Variants in ADK observed in about 807,000 individuals in gnomAD.
The protein encoded by ADK is N6,N6-dimethyladenosine kinase.
Under a neutral mutation model 44.7 loss-of-function variants are expected in ADK, and 24 were observed. The observed-to-expected ratio is 0.54, with a 90% CI of 0.39 to 0.76. ADK has a LOEUF of 0.76. Ranked by LOEUF, ADK falls within the 30% of genes least tolerant of loss-of-function variation. ADK has a pLI of 0.00. For synonymous variants in ADK, 128 were observed against 142.6 expected, an observed-to-expected ratio of 0.90 and a Z score of 0.73; for missense variants, 321 against 425.1, an observed-to-expected ratio of 0.76 and a Z score of 2.15.
intron 4 of ADK, among the ~76,000 whole-genome samples, chr10:74,364,080 G>A (rs762399927): frequency 6.6e-5 from 10 of 152,144 alleles, no homozygotes; most frequent in East Asian, 1.9e-4. Context: ...AGTATTTTTG[G>A]TGTATTATAC....
chr10:74,289,281 G>A (rs1847312215), intron 3 of ADK, among the ~76,000 whole-genome samples: 1 of 152,030 alleles, frequency 6.6e-6, no homozygotes, highest in African/African-American at 2.4e-5. Context: ...TTGAACTCCT[G>A]GGCTCAAGTG....
At chr10:74,436,321 C>T (rs1013355423) in intron 6 of ADK, among the ~76,000 whole-genome samples, 4 of 151,996 alleles carry the variant, frequency 2.6e-5, no homozygotes, top group African/African-American at 9.7e-5. Context: ...GCAGGAGAAT[C>T]GCTTGAACCT....
chr10:74,198,401 C>T (rs1843244401), intron 1 of ADK, among the ~76,000 whole-genome samples: 1 of 152,150 alleles, frequency 6.6e-6, no homozygotes. Context: ...GCCATAGTTG[C>T]TCAATCTATG....
intron 10 of ADK, among the ~76,000 whole-genome samples, chr10:74,671,474 A>T (rs1855182657): frequency 6.6e-6 from 1 of 152,210 alleles, no homozygotes; most frequent in South Asian, 2.1e-4. Context: ...TGTTCTTTGG[A>T]AAGAGTCTGT....
At chr10:74,273,459 C>CT (rs200697640) in intron 3 of ADK, among the ~76,000 whole-genome samples, 24,487 of 147,354 alleles carry the variant, frequency 0.17, 2,334 homozygotes, top group African/African-American at 0.27. Flanking sequence ...TCTTCTTCTT[C>CT]TTTTTTTTTT....
rs772603788 is a variant in ADK at position 74,356,002 on chromosome 10, A to ATTTTGT, written c.274-38135_274-38134insGTTTTT. ...TCTGAAATATTTCACTAAATAATTC[A>ATTTTGT]TTTTTTTTTTTTTTTTTTTTTTTTT... On this transcript the variant is annotated intron_variant, in intron 4 of 10. Coordinates refer to ENST00000539909, the MANE Select transcript of ADK (RefSeq NM_006721.4). 2.4e-5 allele frequency among the ~76,000 whole-genome samples: 2 copies of ATTTTGT among 83,300 alleles called. 1 individual carries two copies. The highest frequency in any genetic ancestry group is 1.0e-4 in the African/African-American group (2 of 19,612). The allele number at this position is 83,300 out of a possible 152,430, so 54.6% of individuals were successfully genotyped here.
intron 7 of ADK, among the ~76,000 whole-genome samples, chr10:74,570,818 C>T (rs1379221173): frequency 6.6e-6 from 1 of 152,110 alleles, no homozygotes; most frequent in Non-Finnish European, 1.5e-5. Flanking sequence ...GAACTTCCAA[C>T]ACTATGTTGA....
At position 74,681,490 on chromosome 10, in the gene ADK, C is replaced by A. The variant is rs373151033; in HGVS notation, c.964+11221C>A. Among the ~76,000 whole-genome samples, 60 of 152,238 alleles carry A rather than the reference C, an allele frequency of 3.9e-4. No homozygotes were observed. The South Asian group carries it at 0.012, about 32-fold the overall frequency. ...AAGGGAGTTAATTGCAAATACGAGA[C>A]AAGAAGCCAGATTACTGAATTCATG... On this transcript the variant is annotated intron_variant, in intron 10 of 10. Transcript: ENST00000539909.
chr10:74,472,450 G>C (rs1391773777), intron 6 of ADK, among the ~76,000 whole-genome samples: 1 of 151,900 alleles, frequency 6.6e-6, no homozygotes, highest in Non-Finnish European at 1.5e-5. Context: ...TCTTCTTTCT[G>C]TAAGTCATTT....
At chr10:74,178,869 A>C (rs1842440079) in intron 1 of ADK, among the ~76,000 whole-genome samples, 1 of 152,192 alleles carries the variant, frequency 6.6e-6, no homozygotes, top group African/African-American at 2.4e-5. Context: ...ACTGAGACAA[A>C]AGTTGAGTGC....
At chr10:74,302,960 C>T (rs1250984410) in intron 3 of ADK, among the ~76,000 whole-genome samples, 3 of 152,088 alleles carry the variant, frequency 2.0e-5, no homozygotes, top group Admixed American at 2.0e-4. Context: ...ATGTACCATG[C>T]CTTGATAATC....
intron 1 of ADK, among the ~76,000 whole-genome samples, chr10:74,188,184 G>A (rs1842825028): frequency 6.6e-6 from 1 of 151,974 alleles, no homozygotes; most frequent in Non-Finnish European, 1.5e-5. Flanking sequence ...CTAATATTCT[G>A]TTATTGCCTG....
intron 4 of ADK, among the ~76,000 whole-genome samples, chr10:74,341,527 C>CAAAA (rs35233016): frequency 1.6e-5 from 1 of 61,576 alleles, no homozygotes; most frequent in South Asian, 5.8e-4. Context: ...GACTCCGTCT[C>CAAAA]AAAAAAAAAA....
At position 74,315,336 on chromosome 10, in the gene ADK, T is replaced by C. The variant is rs1840580494; in HGVS notation, c.273+591T>C. On this transcript the variant is annotated intron_variant, in intron 4 of 10. Coordinates refer to ENST00000539909, the MANE Select transcript of ADK (RefSeq NM_006721.4). ...GTATAGACATATATGTTGGTAGATA[T>C]GTATATGCATCTATATATCTATACC... Among the ~76,000 whole-genome samples the C allele has an allele frequency of 2.6e-5, 4 of 152,196 alleles. No individual in the cohort carries two copies. The South Asian group carries it at 8.3e-4, about 31-fold the overall frequency.
At chr10:74,468,808 C>G (rs1452169194) in intron 6 of ADK, among the ~76,000 whole-genome samples, 1 of 152,090 alleles carries the variant, frequency 6.6e-6, no homozygotes, top group African/African-American at 2.4e-5. Context: ...CATATGTTAT[C>G]AATAGTAACC....
intron 4 of ADK, among the ~76,000 whole-genome samples, chr10:74,321,264 A>G (rs1470621667): frequency 1.3e-5 from 2 of 151,932 alleles, no homozygotes; most frequent in Non-Finnish European, 2.9e-5. Flanking sequence ...TTATTATAAC[A>G]TTGAGGCTAT....
intron 4 of ADK, among the ~76,000 whole-genome samples, chr10:74,348,662 T>C (rs1463681032): frequency 3.3e-5 from 5 of 151,418 alleles, no homozygotes; most frequent in Non-Finnish European, 7.4e-5. Context: ...CTAAGAACCT[T>C]GATAAAAGGT....
chr10:74,478,971 C>G (rs1178278681), intron 6 of ADK, among the ~76,000 whole-genome samples: 1 of 152,034 alleles, frequency 6.6e-6, no homozygotes, highest in Admixed American at 6.6e-5. Context: ...TGTGCTATTT[C>G]TAGAAAGTTC....
At chr10:74,216,622 G>C (rs1425093631) in intron 2 of ADK, among the ~76,000 whole-genome samples, 2 of 151,240 alleles carry the variant, frequency 1.3e-5, no homozygotes, top group African/African-American at 4.9e-5. Context: ...CTATTTTGGG[G>C]ACTGAGGCAC....
Sources: allele counts gnomAD v4.1 joint callset (sites outside exome capture counted in the v4.1 genomes callset), GRCh38; gene constraint gnomAD v4.1.1; transcripts MANE v1.5; gene names NCBI Gene and HGNC (gene_info 2026-07-23, HGNC 2026-07-21).